Variants in CSMD1 observed in about 807,000 individuals in gnomAD.
CSMD1 encodes the protein CUB and sushi domain-containing protein 1.
Under a neutral mutation model 417.5 loss-of-function variants are expected in CSMD1, and 213 were observed. The observed-to-expected ratio is 0.51, with a 90% CI of 0.46 to 0.57. CSMD1 has a LOEUF of 0.57. CSMD1 is among the 20% of genes least tolerant of loss of function. The pLI is 0.00. For synonymous variants in CSMD1, 2,862 were observed against 1,736.8 expected (o/e 1.65, Z -16.11); for missense variants, 6,923 against 4,529.7 (o/e 1.53, Z -15.17).
chr8:3,431,498 C>G (rs949535555), intron 12 of CSMD1, among the ~76,000 whole-genome samples: 1 of 152,126 alleles, frequency 6.6e-6, no homozygotes, highest in African/African-American at 2.4e-5. Context: ...GCCTCCCTGA[C>G]CCATCCCATC....
intron 3 of CSMD1, among the ~76,000 whole-genome samples, chr8:4,293,926 G>A (rs550985551): frequency 6.6e-6 from 1 of 151,874 alleles, no homozygotes; most frequent in African/African-American, 2.4e-5. Flanking sequence ...CTACTGTAGA[G>A]CTTTCCACAC....
At chr8:4,381,028 G>A (rs762693586) in intron 3 of CSMD1, among the ~76,000 whole-genome samples, 7 of 152,146 alleles carry the variant, frequency 4.6e-5, no homozygotes, top group Non-Finnish European at 7.3e-5. Flanking sequence ...GGGCAAATGG[G>A]AAATGGGTTA....
chr8:4,744,872 G>A (rs570161773), intron 1 of CSMD1, among the ~76,000 whole-genome samples: 2 of 152,100 alleles, frequency 1.3e-5, no homozygotes, highest in Admixed American at 6.6e-5. Context: ...CATTAAAGTT[G>A]AACTGAATTT....
At position 4,759,848 on chromosome 8, in the gene CSMD1, T is replaced by C. The variant is rs539907498; in HGVS notation, c.86-122290A>G. Among the ~76,000 whole-genome samples, 15 of 152,344 alleles carry C rather than the reference T, an allele frequency of 9.8e-5. No individual in the cohort carries two copies. The South Asian group carries it at 2.1e-3, about 21-fold the overall frequency. ...TTGGGTTGATTCCATGTGTTTGCTA[T>C]TGTGAATAGTACTGCAATGAATATA... On this transcript the variant is annotated intron_variant, in intron 1 of 69. Transcript: ENST00000635120.
intron 3 of CSMD1, among the ~76,000 whole-genome samples, chr8:4,152,528 A>AG (rs1384324475): frequency 6.6e-6 from 1 of 151,102 alleles, no homozygotes; most frequent in South Asian, 2.1e-4. Context: ...GAGTACCAAA[A>AG]AAAAAAAAAA....
Position 4,417,909 on chromosome 8 carries a change from G to C in CSMD1, c.415+2044C>G, listed in dbSNP as rs542130681. Among the ~76,000 whole-genome samples the C allele has an allele frequency of 3.3e-5, 5 of 152,082 alleles. No homozygotes were observed. The East Asian group carries it at 9.7e-4, about 29-fold the overall frequency. ...TAGTTGTCTAAAGTTTATGTGTAAA[G>C]TATTTGGTACTTGCAATAAATATTG... On this transcript the variant is annotated intron_variant, in intron 3 of 69. Transcript: ENST00000635120.
At chr8:4,479,903 T>C (rs1800996048) in intron 2 of CSMD1, among the ~76,000 whole-genome samples, 1 of 151,116 alleles carries the variant, frequency 6.6e-6, no homozygotes, top group Non-Finnish European at 1.5e-5. Flanking sequence ...GAGGCAGAGG[T>C]TGCAGTGAGC....
intron 1 of CSMD1, among the ~76,000 whole-genome samples, chr8:4,855,945 T>A (rs1801773851): frequency 1.3e-5 from 2 of 149,368 alleles, no homozygotes; most frequent in South Asian, 4.3e-4. Flanking sequence ...GAAGAGCAAC[T>A]CCAAGACACA....
At chr8:4,606,195 C>A (rs759410403) in intron 2 of CSMD1, among the ~76,000 whole-genome samples, 42 of 152,204 alleles carry the variant, frequency 2.8e-4, no homozygotes, top group Non-Finnish European at 5.9e-4. Flanking sequence ...CTGCACTCCA[C>A]TCAGCACGCC....
In CSMD1 at chr8:3,498,851, T is replaced by C. The variant is rs191434719; in HGVS notation, c.1345-5125A>G. Among the ~76,000 whole-genome samples, 169 of 152,314 alleles carry C rather than the reference T, an allele frequency of 1.1e-3. 1 individual carries two copies. The highest frequency in any genetic ancestry group is 3.9e-3 in the African/African-American group (162 of 41,582). ...GTTTCAAGACTTCTGCTTAGTTCTT[T>C]TTGTGTAATATCTCTGTTGAATTTC... On this transcript the variant is annotated intron_variant, in intron 10 of 69. Coordinates refer to ENST00000635120, the MANE Select transcript of CSMD1 (RefSeq NM_033225.6).
chr8:3,372,971 G>A (rs1585069408), intron 18 of CSMD1, among the ~76,000 whole-genome samples: 2 of 152,258 alleles, frequency 1.3e-5, no homozygotes, highest in South Asian at 4.1e-4. Context: ...CTTTTCACTG[G>A]TCTATGATTG....
At chr8:4,486,216 TATATATATACATAC>T (rs1801398908) in intron 2 of CSMD1, among the ~76,000 whole-genome samples, 2 of 15,972 alleles carry the variant, frequency 1.3e-4, no homozygotes, top group South Asian at 2.9e-3. Context: ...TATATATATA[TATATATATACATAC>T]ATATATATAT....
chr8:4,815,963 G>T (rs1317991607), intron 1 of CSMD1, among the ~76,000 whole-genome samples: 2 of 152,036 alleles, frequency 1.3e-5, no homozygotes, highest in Non-Finnish European at 2.9e-5. Flanking sequence ...TTTGAAAACG[G>T]AAAAATGAGA....
rs191663135 is a variant in CSMD1, at chr8:3,638,915, C to T, written c.1010-22118G>A. On this transcript the variant is annotated intron_variant, in intron 7 of 69. Transcript: ENST00000635120. The stretch of plus-strand genomic sequence containing the variant: ...AAAGTGAAGAAGGGACTCCGAATAG[C>T]CTGATATTTATTTTCTGTCTCTCAG... Among the ~76,000 whole-genome samples the T allele has an allele frequency of 8.5e-5, 13 of 152,226 alleles. No homozygotes were observed. The East Asian group carries it at 2.5e-3, about 29-fold the overall frequency.
chr8:3,680,842 G>A (rs1001756039), intron 7 of CSMD1, among the ~76,000 whole-genome samples: 4 of 152,174 alleles, frequency 2.6e-5, no homozygotes, highest in Non-Finnish European at 5.9e-5. Context: ...TATCCACCAT[G>A]ATCAAGTGGG....
chr8:3,917,690 C>G (rs781251974), intron 5 of CSMD1, among the ~76,000 whole-genome samples: 4 of 152,054 alleles, frequency 2.6e-5, no homozygotes, highest in African/African-American at 9.7e-5. Flanking sequence ...ATGCCATGAA[C>G]TAGATTGTTT....
At chr8:4,866,869 T>A (rs930948686) in intron 1 of CSMD1, among the ~76,000 whole-genome samples, 5 of 151,948 alleles carry the variant, frequency 3.3e-5, no homozygotes, top group Non-Finnish European at 7.4e-5. Context: ...ATATAAAACT[T>A]TTACATTTTG....
intron 3 of CSMD1, among the ~76,000 whole-genome samples, chr8:4,104,031 G>A (rs1801438830): frequency 6.6e-6 from 1 of 152,280 alleles, no homozygotes; most frequent in South Asian, 2.1e-4. Flanking sequence ...CCCTGCCCCA[G>A]CCTGGCCCTT....
chr8:3,138,349 G>A (rs1261174244), intron 41 of CSMD1, among the ~76,000 whole-genome samples: 4 of 152,180 alleles, frequency 2.6e-5, no homozygotes, highest in African/African-American at 9.7e-5. Context: ...TGACTGAGTG[G>A]CCATTAGAGC....
Sources: allele counts gnomAD v4.1 joint callset (sites outside exome capture counted in the v4.1 genomes callset), GRCh38; gene constraint gnomAD v4.1.1; transcripts MANE v1.5; gene names NCBI Gene and HGNC (gene_info 2026-07-23, HGNC 2026-07-21).